Variants in TLE1 observed in about 807,000 individuals in gnomAD.
The protein encoded by TLE1 is transducin-like enhancer protein 1.
In TLE1, 21 loss-of-function variants were observed where a neutral mutation model predicts 89.8. The ratio of observed to expected loss-of-function variants is 0.23; its 90% CI spans 0.17 to 0.34. The LOEUF is 0.34. Among genes scored for constraint, TLE1 ranks in the 10% least tolerant of loss-of-function variants. The pLI is 1.00. For missense variants in TLE1, 795 were observed against 1,031.2 expected, an observed-to-expected ratio of 0.77 and a Z score of 3.14; for synonymous variants, 447 against 407.6, an observed-to-expected ratio of 1.10 and a Z score of -1.16.
chr9:81,601,151 G>A (rs1830868835), intron 14 of TLE1, among the ~76,000 whole-genome samples: 1 of 152,160 alleles, frequency 6.6e-6, no homozygotes, highest in Non-Finnish European at 1.5e-5. Flanking sequence ...CAATTTTCAA[G>A]TCCACTAAAT....
At chr9:81,681,542 T>C (rs1833630523) in intron 4 of TLE1, among the ~76,000 whole-genome samples, 2 of 146,642 alleles carry the variant, frequency 1.4e-5, no homozygotes, top group African/African-American at 5.0e-5. Flanking sequence ...GGAACGAGAT[T>C]CCGTCGCGCA....
chr9:81,623,445 A>G lies in TLE1; in HGVS notation c.595-2888T>C, dbSNP rs117936182. On this transcript the variant is annotated intron_variant, in intron 8 of 19. Transcript: ENST00000376499. ...AACATTTATGAGGACACCATTTGCA[A>G]AAGAATGAAACAGAGGTTGCTTTGC... is the stretch of plus-strand genomic sequence containing the variant. Among the ~76,000 whole-genome samples the G allele has an allele frequency of 9.7e-4, 148 of 152,196 alleles. No individual in the cohort carries two copies. The Middle Eastern group carries it at 0.01, about 10-fold the overall frequency.
At chr9:81,657,538 C>T (rs778901001) in intron 4 of TLE1, among the ~76,000 whole-genome samples, 2 of 151,886 alleles carry the variant, frequency 1.3e-5, no homozygotes, top group African/African-American at 2.4e-5. Context: ...TGAACATGGT[C>T]GGAGGACAGT....
intron 15 of TLE1, among the ~76,000 whole-genome samples, chr9:81,592,811 G>T (rs931664870): frequency 1.3e-5 from 2 of 152,122 alleles, no homozygotes; most frequent in Admixed American, 1.3e-4. Flanking sequence ...TTTTTAAAAA[G>T]AAATCCATCA....
intron 4 of TLE1, among the ~76,000 whole-genome samples, chr9:81,665,572 G>T (rs917559317): frequency 6.6e-6 from 1 of 152,030 alleles, no homozygotes; most frequent in Non-Finnish European, 1.5e-5. Context: ...AACACTAATT[G>T]CTCCCATTCT....
intron 13 of TLE1, among the ~76,000 whole-genome samples, chr9:81,610,868 G>A (rs540722842): frequency 6.6e-6 from 1 of 151,556 alleles, no homozygotes; most frequent in Admixed American, 6.6e-5. Context: ...ATTCATACAT[G>A]GATTCCCTAC....
chr9:81,619,668 C>G (rs1824985083), intron 9 of TLE1, among the ~76,000 whole-genome samples: 1 of 152,184 alleles, frequency 6.6e-6, no homozygotes, highest in African/African-American at 2.4e-5. Context: ...TGCATCCATC[C>G]TGAAACAGAC....
chr9:81,663,214 G>A (rs537337845), intron 4 of TLE1, among the ~76,000 whole-genome samples: 4 of 152,258 alleles, frequency 2.6e-5, no homozygotes, highest in Non-Finnish European at 4.4e-5. Context: ...CCACGTTTGC[G>A]ATCAACAGTG....
chr9:81,660,970 C>CACAA (rs1830703833), intron 4 of TLE1, among the ~76,000 whole-genome samples: 1 of 111,062 alleles, frequency 9.0e-6, no homozygotes, highest in African/African-American at 3.1e-5. Context: ...CACACACACA[C>CACAA]ACACACACAT....
At chr9:81,685,603 G>A in intron 4 of TLE1, 73 bp downstream of exon 4, 1 of 1,517,508 alleles carries the variant, frequency 6.6e-7, no homozygotes, top group Non-Finnish European at 9.1e-7. Context: ...GCCCACTACT[G>A]AGAACAAAGC....
chr9:81,586,082 A>T (rs1416136018), intron 17 of TLE1, among the ~76,000 whole-genome samples: 1 of 140,272 alleles, frequency 7.1e-6, no homozygotes, highest in Non-Finnish European at 1.5e-5. Context: ...AAGCGGCGTT[A>T]TCTCGGCTCA....
intron 14 of TLE1, among the ~76,000 whole-genome samples, chr9:81,597,635 T>TAG (rs2131893954): frequency 6.6e-6 from 1 of 152,296 alleles, no homozygotes; most frequent in East Asian, 1.9e-4. Flanking sequence ...AGCCCCCACC[T>TAG]AGCTTTCTGA....
chr9:81,666,049 A>C (rs920931609), intron 4 of TLE1, among the ~76,000 whole-genome samples: 51 of 152,176 alleles, frequency 3.4e-4, no homozygotes, highest in Non-Finnish European at 6.6e-4. Flanking sequence ...CTTTGACAAA[A>C]GCATCACAGC....
chr9:81,585,417 C>T, intron 18 of TLE1, 88 bp downstream of exon 18: 2 of 1,504,882 alleles, frequency 1.3e-6, no homozygotes, highest in Non-Finnish European at 1.8e-6. Flanking sequence ...AACATTTTTT[C>T]CAGATTATGA....
intron 6 of TLE1, among the ~76,000 whole-genome samples, chr9:81,639,467 G>A (rs1403237764): frequency 6.6e-6 from 1 of 152,062 alleles, no homozygotes; most frequent in Non-Finnish European, 1.5e-5. Context: ...CTTCTATCTA[G>A]GCATTAGTTT....
At chr9:81,595,814 C>CAAAAAAAAAAAAAAAAAAAATAAAAA (rs11301991) in intron 14 of TLE1, among the ~76,000 whole-genome samples, 1 of 106,662 alleles carries the variant, frequency 9.4e-6, no homozygotes, top group Non-Finnish European at 1.9e-5. Context: ...GACTCTGTCT[C>CAAAAAAAAAAAAAAAAAAAATAAAAA]AAAAAAAAAA....
chr9:81,591,440 G>A (rs1484653209), intron 15 of TLE1, among the ~76,000 whole-genome samples: 1 of 152,276 alleles, frequency 6.6e-6, no homozygotes, highest in South Asian at 2.1e-4. Context: ...TCTTCGTTAT[G>A]CTGAGCACAT....
chr9:81,593,887 C>G (rs987757748), intron 14 of TLE1, among the ~76,000 whole-genome samples: 1 of 152,164 alleles, frequency 6.6e-6, no homozygotes, highest in Non-Finnish European at 1.5e-5. Flanking sequence ...TCCTTGCCTA[C>G]CTTGGTCAGG....
At chr9:81,606,118 A>C (rs561701793) in intron 14 of TLE1, among the ~76,000 whole-genome samples, 37 of 152,298 alleles carry the variant, frequency 2.4e-4, no homozygotes, top group African/African-American at 7.7e-4. Context: ...AAGTCAGGAG[A>C]CAACAGATGC....
Sources: allele counts gnomAD v4.1 joint callset (sites outside exome capture counted in the v4.1 genomes callset), GRCh38; gene constraint gnomAD v4.1.1; transcripts MANE v1.5; gene names NCBI Gene and HGNC (gene_info 2026-07-23, HGNC 2026-07-21).